SLC6A6: variants seen among roughly 807,000 people sequenced by gnomAD.
The protein encoded by SLC6A6 is solute carrier family 6 member 6.
A neutral mutation model predicts 68.8 loss-of-function variants in SLC6A6; 16 were observed. That is an observed-to-expected ratio of 0.23 (90% CI 0.16 to 0.35). The LOEUF (loss-of-function observed/expected upper bound fraction) is 0.35, where lower values mean the gene tolerates loss of function less well. Ranked by LOEUF, SLC6A6 falls within the 10% of genes least tolerant of loss-of-function variation. SLC6A6 has a pLI of 1.00. For synonymous variants in SLC6A6, 312 were observed against 315.4 expected, an observed-to-expected ratio of 0.99 and a Z score of 0.12; for missense variants, 474 against 802.8, an observed-to-expected ratio of 0.59 and a Z score of 4.95.
chr3:14,478,697 C>A, intron 12 of SLC6A6, 129 bp downstream of exon 12: 1 of 692,112 alleles, frequency 1.4e-6, no homozygotes, highest in South Asian at 1.7e-5. Context: ...CCTACCTAGA[C>A]TACACAAATA....
intron 2 of SLC6A6, among the ~76,000 whole-genome samples, chr3:14,439,322 A>C (rs1358570980): frequency 1.3e-5 from 2 of 152,244 alleles, no homozygotes; most frequent in Admixed American, 1.3e-4. Flanking sequence ...TAAACAGCTC[A>C]GCCCCCAGAA....
intron 12 of SLC6A6, 93 bp downstream of exon 12, chr3:14,478,661 C>A: frequency 1.2e-6 from 1 of 823,226 alleles, no homozygotes; most frequent in South Asian, 1.4e-5. Context: ...AACAGAAATT[C>A]AATTTGAGTT....
chr3:14,435,599 A>G (rs1699834637), intron 2 of SLC6A6, among the ~76,000 whole-genome samples: 1 of 152,206 alleles, frequency 6.6e-6, no homozygotes, highest in Admixed American at 6.5e-5. Context: ...GGGACAAGCC[A>G]TCAGGGCTGT....
intron 1 of SLC6A6, among the ~76,000 whole-genome samples, 165 bp downstream of exon 1, chr3:14,403,012 C>T (rs940838775): frequency 4.6e-5 from 7 of 152,192 alleles, no homozygotes; most frequent in African/African-American, 1.7e-4. Context: ...TGCTCAGTCC[C>T]GCTGGCGGGG....
At chr3:14,467,752 C>T (rs1382107088) in intron 7 of SLC6A6, 101 bp from the exon 8 acceptor site, 4 of 682,428 alleles carry the variant, frequency 5.9e-6, no homozygotes, top group Non-Finnish European at 1.0e-5. Flanking sequence ...AGGTCCCGTC[C>T]CCAGGCCATC....
At position 14,472,777 on chromosome 3, in the gene SLC6A6, C is replaced by T. The variant is rs1025811467; in HGVS notation, c.1209+460C>T. ...GACCCACATTTCTGTGTGAGCTGAT[C>T]ATTGTCTGGGCCATCGTAATAAGTT... On this transcript the variant is annotated intron_variant, in intron 10 of 14. Coordinates refer to ENST00000622186, the MANE Select transcript of SLC6A6 (RefSeq NM_003043.6). The surrounding 1 kb of genome is among the most constrained non-coding windows in gnomAD (Gnocchi z 4.5). Among the ~76,000 whole-genome samples, 3 of 152,230 alleles carry T rather than the reference C, an allele frequency of 2.0e-5. No homozygotes were observed. Among genetic ancestry groups the T allele is most frequent in the Admixed American group, 1.3e-4 (2 of 15,284 alleles).
chr3:14,418,356 A>G (rs1419881390), intron 2 of SLC6A6, among the ~76,000 whole-genome samples: 1 of 152,142 alleles, frequency 6.6e-6, no homozygotes, highest in Non-Finnish European at 1.5e-5. Context: ...GAGCTCCTCA[A>G]CCTGCTGCTG....
rs776524083 is a variant in SLC6A6, at chr3:14,484,954, A to G, written c.1810A>G (p.Met604Val). 1 of 1,613,284 alleles carries G rather than the reference A, an allele frequency of 6.2e-7. No homozygotes were observed. The highest frequency in any genetic ancestry group is 2.2e-5 in the East Asian group (1 of 44,872). ...CACACCTTACAACTCTCGCACCGTC[A>G]TGAACGGCGCTCTCGTGAAACCGAC... Reference protein sequence around the residue: ...GATPYNSRTVMNGALVKPTHI... With the variant: ...GATPYNSRTVVNGALVKPTHI... Residue 604 changes from methionine to valine, a missense_variant, in exon 15 of 15, where the codon ATG becomes GTG. Transcript: ENST00000622186.
At chr3:14,465,184 A>G (rs1700588157) in intron 6 of SLC6A6, among the ~76,000 whole-genome samples, 3 of 152,214 alleles carry the variant, frequency 2.0e-5, no homozygotes, top group Admixed American at 1.3e-4. Context: ...TCTGTCTGGA[A>G]ACTCCTTGTG....
chr3:14,410,864 C>T (rs544611995), intron 1 of SLC6A6, among the ~76,000 whole-genome samples: 42 of 152,292 alleles, frequency 2.8e-4, no homozygotes, highest in African/African-American at 9.6e-4. Flanking sequence ...GGTTGGCCAG[C>T]GATTTCAGCA....
rs952017684 is a variant in SLC6A6, at chr3:14,481,328, G to T, written c.1552-343G>T. 6.6e-5 allele frequency among the ~76,000 whole-genome samples: 10 copies of T among 152,154 alleles called. No homozygotes were observed. Among genetic ancestry groups the T allele is most frequent in the Admixed American group, 1.3e-4 (2 of 15,284 alleles). ...AGTTCAGTGACAGAGGAGCTAGAAG[G>T]AATTCTTCAGGGTGGCTGGAGTGTG... On this transcript the variant is annotated intron_variant, in intron 13 of 14. Coordinates refer to ENST00000622186, the MANE Select transcript of SLC6A6 (RefSeq NM_003043.6). This position sits in a 1 kb window ranked among gnomAD's most constrained non-coding sequence, Gnocchi z 4.7.
At position 14,479,102 on chromosome 3, in the gene SLC6A6, G is replaced by C. The variant is rs1262277575; in HGVS notation, c.1468G>C (p.Asp490His). ...AWIYGGDNLY[D>H]GIEDMIGYRP... Reference sequence around the variant, plus strand: ...TCTTGCAGGAGGTGATAACCTTTATGATGGTATTGAGGACATGATTGGCTA... The same window carrying C: ...TCTTGCAGGAGGTGATAACCTTTATCATGGTATTGAGGACATGATTGGCTA... The change falls in exon 13 of 15, where the codon GAT becomes CAT. Residue 490 changes from aspartate to histidine, a missense_variant. Around this residue, in one of 2 missense-constraint regions of SLC6A6, gnomAD observed 194 missense variants for 269.8 expected, o/e 0.72. Coordinates refer to ENST00000622186, the MANE Select transcript of SLC6A6 (RefSeq NM_003043.6). 6.2e-7 allele frequency: 1 copy of C among 1,611,842 alleles called. No individual in the cohort carries two copies. Among genetic ancestry groups the C allele is most frequent in the Non-Finnish European group, 8.5e-7 (1 of 1,178,036 alleles).
intron 2 of SLC6A6, among the ~76,000 whole-genome samples, chr3:14,422,043 C>T (rs567152783): frequency 2.3e-4 from 35 of 152,290 alleles, no homozygotes; most frequent in African/African-American, 5.8e-4. Context: ...GGGACCATGG[C>T]TGCCCACCTC....
intron 1 of SLC6A6, among the ~76,000 whole-genome samples, chr3:14,412,581 A>C (rs1161113246): frequency 6.6e-6 from 1 of 152,194 alleles, no homozygotes; most frequent in African/African-American, 2.4e-5. Context: ...TGGGAGGATG[A>C]GCCTGGTAGG....
intron 2 of SLC6A6, among the ~76,000 whole-genome samples, chr3:14,441,985 A>G (rs1282168121): frequency 1.3e-5 from 2 of 152,218 alleles, no homozygotes; most frequent in African/African-American, 4.8e-5. Flanking sequence ...GGAAGCGAGG[A>G]ATTGAACAAG....
intron 9 of SLC6A6, among the ~76,000 whole-genome samples, chr3:14,471,567 C>G (rs1251671009): frequency 6.6e-6 from 1 of 152,218 alleles, no homozygotes; most frequent in Non-Finnish European, 1.5e-5. Flanking sequence ...TCAGGGCTTG[C>G]AGGCCTGGGA....
intron 7 of SLC6A6, 135 bp downstream of exon 7, chr3:14,466,785 C>A (rs193141578): frequency 3.6e-5 from 27 of 753,780 alleles, no homozygotes; most frequent in African/African-American, 2.6e-4. Context: ...GGGCCACCGC[C>A]CCCTGGTACT....
chr3:14,439,633 C>T (rs914099712), intron 2 of SLC6A6, among the ~76,000 whole-genome samples: 2 of 152,318 alleles, frequency 1.3e-5, no homozygotes, highest in East Asian at 1.9e-4. Flanking sequence ...TTATGTATCT[C>T]GGCTGCTGCA....
At chr3:14,422,574 C>G (rs527675515) in intron 2 of SLC6A6, among the ~76,000 whole-genome samples, 3 of 152,082 alleles carry the variant, frequency 2.0e-5, no homozygotes, top group East Asian at 1.9e-4. Context: ...CCAGCTTGGC[C>G]GCTTAGTGGC....
Sources: allele counts gnomAD v4.1 joint callset (sites outside exome capture counted in the v4.1 genomes callset), GRCh38; gene constraint gnomAD v4.1.1; regional missense constraint gnomAD v4.1.1; non-coding constraint Gnocchi (gnomAD v3.1); transcripts MANE v1.5; gene names NCBI Gene and HGNC (gene_info 2026-07-23, HGNC 2026-07-21).